The following PTPRD variants were observed in gnomAD, a reference collection of about 807,000 sequenced individuals.
PTPRD encodes protein tyrosine phosphatase receptor type D, also known as receptor-type tyrosine-protein phosphatase delta.
PTPRD carries 34 observed loss-of-function variants against 214.5 expected under a neutral mutation model. The ratio of observed to expected loss-of-function variants is 0.16; its 90% confidence interval spans 0.12 to 0.21. PTPRD has a LOEUF of 0.21. Among genes scored for constraint, PTPRD ranks in the 10% least tolerant of loss-of-function variants. PTPRD has a pLI of 1.00. For missense variants in PTPRD, 2,545 were observed against 2,398.7 expected, an observed-to-expected ratio of 1.06 and a Z score of -1.27; for synonymous variants, 1,128 against 845.7, an observed-to-expected ratio of 1.33 and a Z score of -5.79.
chr9:9,751,484 G>T lies in PTPRD; in HGVS notation c.-326+15326C>A, dbSNP rs113345937. Among the ~76,000 whole-genome samples, 430 of 152,172 alleles carry T rather than the reference G, an allele frequency of 2.8e-3. 4 individuals carry two copies. Among genetic ancestry groups the T allele is most frequent in the African/African-American group, 9.9e-3 (412 of 41,528 alleles). ...TTGAATTATGTCACCCTCAAAAAAG[G>T]TGTGTCTGAAGTCCTAACCACCAGT... On this transcript the variant is annotated intron_variant, in intron 6 of 45. Coordinates refer to ENST00000381196, the MANE Select transcript of PTPRD (RefSeq NM_002839.4).
At chr9:8,350,350 C>G in intron 39 of PTPRD, among the ~76,000 whole-genome samples, 1 of 151,936 alleles carries the variant, frequency 6.6e-6, no homozygotes, top group East Asian at 1.9e-4. Flanking sequence ...AGTTGGGTGC[C>G]AAGACAGTAA....
intron 11 of PTPRD, among the ~76,000 whole-genome samples, chr9:8,935,239 A>T (rs1011203220): frequency 6.6e-6 from 1 of 152,178 alleles, no homozygotes; most frequent in Non-Finnish European, 1.5e-5. Context: ...TGGAAGTAAT[A>T]AAAAAATTCA....
chr9:8,857,476 G>A (rs971472117), intron 11 of PTPRD, among the ~76,000 whole-genome samples: 2 of 152,186 alleles, frequency 1.3e-5, no homozygotes, highest in African/African-American at 4.8e-5. Context: ...GTCCAGAGGA[G>A]CAAACTGTGC....
At position 10,018,538 on chromosome 9, in the gene PTPRD, C is replaced by CTTTTTTTTTTTTTT. The variant is rs71321214; in HGVS notation, c.-472+15166_-472+15179dup. On this transcript the variant is annotated intron_variant, in intron 4 of 45. Transcript: ENST00000381196. ...AATGATTTATTTAAGAATTACATTT[C>CTTTTTTTTTTTTTT]TTTTTTTTTTTTTTTTTTTTTTTTT... Among the ~76,000 whole-genome samples, 10 of 71,124 alleles carry CTTTTTTTTTTTTTT rather than the reference C, an allele frequency of 1.4e-4. 4 individuals carry two copies. Among genetic ancestry groups the CTTTTTTTTTTTTTT allele is most frequent in the Non-Finnish European group, 1.9e-4 (7 of 36,840 alleles). The allele number at this position is 71,124 out of a possible 152,430, so 46.7% of individuals were successfully genotyped here. A position where few individuals can be genotyped will look rare whatever the true frequency, so the allele number is the denominator to read the frequency against.
intron 9 of PTPRD, among the ~76,000 whole-genome samples, chr9:9,297,354 G>C (rs1214183893): frequency 6.6e-6 from 1 of 151,474 alleles, no homozygotes; most frequent in Non-Finnish European, 1.5e-5. Context: ...TAATGAAGTA[G>C]AATAAGATGA....
Position 8,987,601 on chromosome 9 carries a change from C to T in PTPRD, c.-104+31096G>A, listed in dbSNP as rs141036005. 2.1e-3 allele frequency among the ~76,000 whole-genome samples: 316 copies of T among 151,986 alleles called. 1 individual carries two copies. The highest frequency in any genetic ancestry group is 6.8e-3 in the African/African-American group (282 of 41,476). On this transcript the variant is annotated intron_variant, in intron 11 of 45. Coordinates refer to ENST00000381196, the MANE Select transcript of PTPRD (RefSeq NM_002839.4). Reference sequence around the variant, plus strand: ...AATATTAAGTGCTAATGTGTGAATGCGTTTGTGGGTCTTTATGTATGTGTG... The same window carrying T: ...AATATTAAGTGCTAATGTGTGAATGTGTTTGTGGGTCTTTATGTATGTGTG...
At chr9:8,794,250 G>A (rs547380228) in intron 11 of PTPRD, among the ~76,000 whole-genome samples, 7 of 152,266 alleles carry the variant, frequency 4.6e-5, no homozygotes, top group Admixed American at 3.3e-4. Flanking sequence ...CATCTATAGT[G>A]TAGAGCAGAT....
In PTPRD at chr9:9,917,220, A is replaced by G. The variant is rs376956735; in HGVS notation, c.-368+21287T>C. ...GATCAAGCAGAAGTAAACAAAATTG[A>G]TACTAAAAAAATTTTTAAAAATCCA... On this transcript the variant is annotated intron_variant, in intron 5 of 45. Coordinates refer to ENST00000381196, the MANE Select transcript of PTPRD (RefSeq NM_002839.4). Among the ~76,000 whole-genome samples, 6 of 149,878 alleles carry G rather than the reference A, an allele frequency of 4.0e-5. No homozygotes were observed. In the East Asian group the frequency reaches 1.2e-3, roughly 29 times the overall value.
chr9:10,112,431 A>ATT (rs61488370), intron 3 of PTPRD, among the ~76,000 whole-genome samples: 2,145 of 149,712 alleles, frequency 0.014, 42 homozygotes, highest in African/African-American at 0.049. Context: ...ACAATTATCT[A>ATT]TTTTTTTTTT....
chr9:9,247,971 C>T (rs1169768745), intron 9 of PTPRD, among the ~76,000 whole-genome samples: 2 of 151,962 alleles, frequency 1.3e-5, no homozygotes, highest in African/African-American at 2.4e-5. Context: ...AAAGGTAGCT[C>T]TTGAGGGTGG....
chr9:9,265,802 T>C (rs1393941055), intron 9 of PTPRD, among the ~76,000 whole-genome samples: 1 of 148,466 alleles, frequency 6.7e-6, no homozygotes, highest in East Asian at 2.0e-4. Context: ...TAAAAAAAAA[T>C]AAAGAAAGGA....
chr9:9,570,550 CA>C (rs1316772604), intron 8 of PTPRD, among the ~76,000 whole-genome samples: 36 of 151,466 alleles, frequency 2.4e-4, no homozygotes, highest in Non-Finnish European at 1.2e-4. Flanking sequence ...CTCTATTTCT[CA>C]GATAAGCTCA....
At position 8,465,681 on chromosome 9, in the gene PTPRD, G is replaced by C. The variant is rs751840404; in HGVS notation, c.3505-6C>G. On this transcript the variant is annotated splice_region_variant and splice_polypyrimidine_tract_variant and intron_variant, in intron 31 of 45. Transcript: ENST00000381196. ...CTAGATATCTCCTTAAGCAGCTTAA[G>C]GAAAAAAGTGGGAAACAGAAAAAGA... The C allele has an allele frequency of 5.0e-6, 8 of 1,586,382 alleles. No homozygotes were observed. Among genetic ancestry groups the C allele is most frequent in the Non-Finnish European group, 5.1e-6 (6 of 1,167,316 alleles).
chr9:9,956,332 T>C (rs2093929123), intron 4 of PTPRD, among the ~76,000 whole-genome samples: 1 of 148,746 alleles, frequency 6.7e-6, no homozygotes. Flanking sequence ...GAGACAAAAG[T>C]AGTGTAGTGA....
At chr9:8,802,499 G>A (rs2096592087) in intron 11 of PTPRD, among the ~76,000 whole-genome samples, 1 of 152,184 alleles carries the variant, frequency 6.6e-6, no homozygotes, top group African/African-American at 2.4e-5. Context: ...GAAAGGAGAT[G>A]CACAAATAAA....
intron 8 of PTPRD, among the ~76,000 whole-genome samples, chr9:9,516,696 C>A (rs564502972): frequency 1.8e-4 from 27 of 152,004 alleles, no homozygotes; most frequent in African/African-American, 6.0e-4. Flanking sequence ...GGCCACCACA[C>A]CCAGTTAATT....
chr9:8,784,973 G>A (rs1473789281), intron 11 of PTPRD, among the ~76,000 whole-genome samples: 4 of 152,050 alleles, frequency 2.6e-5, no homozygotes, highest in African/African-American at 2.4e-5. Flanking sequence ...CAGGGACTCC[G>A]AGAGCACCAT....
chr9:9,142,442 G>A (rs535868935), intron 10 of PTPRD, among the ~76,000 whole-genome samples: 50 of 152,186 alleles, frequency 3.3e-4, no homozygotes, highest in Admixed American at 4.6e-4. Flanking sequence ...ATGCAATGAC[G>A]GGTAAGTGGT....
chr9:8,394,717 G>A (rs2090615737), intron 36 of PTPRD, among the ~76,000 whole-genome samples: 1 of 152,120 alleles, frequency 6.6e-6, no homozygotes, highest in African/African-American at 2.4e-5. Flanking sequence ...AAGATAAATA[G>A]AGGCTTTGTG....
Sources: allele counts gnomAD v4.1 joint callset (sites outside exome capture counted in the v4.1 genomes callset), GRCh38; gene constraint gnomAD v4.1.1; transcripts MANE v1.5; gene names NCBI Gene and HGNC (gene_info 2026-07-23, HGNC 2026-07-21).